MBD2: variants seen among roughly 807,000 people sequenced by gnomAD.
The protein encoded by MBD2 is methyl-CpG binding domain protein 2.
In MBD2, 9 loss-of-function variants were observed where a neutral mutation model predicts 39.3. That is an observed-to-expected ratio of 0.23 (90% CI 0.14 to 0.40). The LOEUF is 0.40. MBD2 is among the 10% of genes least tolerant of loss of function. MBD2 has a pLI of 1.00. For missense variants in MBD2, 458 were observed against 532.6 expected, an observed-to-expected ratio of 0.86 and a Z score of 1.38; for synonymous variants, 233 against 211.1, an observed-to-expected ratio of 1.10 and a Z score of -0.90.
chr18:54,215,536 TG>T (rs1262995176), intron 1 of MBD2, among the ~76,000 whole-genome samples: 4 of 149,576 alleles, frequency 2.7e-5, no homozygotes, highest in Non-Finnish European at 5.9e-5. Context: ...GCTGCCAGGC[TG>T]GAGTGCAGTG....
intron 3 of MBD2, among the ~76,000 whole-genome samples, chr18:54,177,022 G>A (rs759780614): frequency 1.3e-5 from 2 of 152,178 alleles, no homozygotes; most frequent in Non-Finnish European, 2.9e-5. Flanking sequence ...CACACAGTGG[G>A]TATACAATAC....
chr18:54,202,210 G>A (rs1211964989), intron 2 of MBD2, among the ~76,000 whole-genome samples: 1 of 151,968 alleles, frequency 6.6e-6, no homozygotes, highest in African/African-American at 2.4e-5. Context: ...AGGCGTGGTG[G>A]TGGGTGCCTG....
At position 54,153,728 on chromosome 18, in the gene MBD2, A is replaced by AT. The variant is rs923451990; in HGVS notation, c.*1595dup. 1.3e-5 allele frequency: 2 copies of AT among 152,198 alleles called. No homozygotes were observed. The highest frequency in any genetic ancestry group is 1.3e-4 in the Admixed American group (2 of 15,278). The allele number at this position is 152,198 out of a possible 1,614,324, so 9.4% of individuals were successfully genotyped here. ...CCCCCACCCCAGTTGGGACAGTCTG[A>AT]TGGGGCGGGCAGGCACCCTCTACCA... On this transcript the variant is annotated 3_prime_UTR_variant, in exon 7 of 7. Transcript: ENST00000256429.
At chr18:54,166,195 A>T (rs536302619) in intron 3 of MBD2, 29 bp from the exon 4 acceptor site, 18 of 1,399,626 alleles carry the variant, frequency 1.3e-5, no homozygotes, top group Non-Finnish European at 1.6e-5. Flanking sequence ...CTGTTAATAG[A>T]TACATTTTTG....
At chr18:54,183,111 G>A (rs2086261917) in intron 3 of MBD2, among the ~76,000 whole-genome samples, 1 of 152,216 alleles carries the variant, frequency 6.6e-6, no homozygotes, top group South Asian at 2.1e-4. Context: ...AGCTTAGGCA[G>A]CCAAGCGGAC....
At chr18:54,192,457 T>A (rs2144314753) in intron 2 of MBD2, among the ~76,000 whole-genome samples, 1 of 152,260 alleles carries the variant, frequency 6.6e-6, no homozygotes, top group African/African-American at 2.4e-5. Context: ...GGTCTCGATC[T>A]CTTGACCTTG....
chr18:54,180,288 A>G (rs1364906105), intron 3 of MBD2, among the ~76,000 whole-genome samples: 6 of 152,154 alleles, frequency 3.9e-5, no homozygotes, highest in African/African-American at 1.4e-4. Context: ...CATAAAGAAA[A>G]TATTTTTGAT....
chr18:54,209,330 TTATTA>T (rs2086480779), intron 1 of MBD2, among the ~76,000 whole-genome samples: 1 of 151,204 alleles, frequency 6.6e-6, no homozygotes, highest in East Asian at 1.9e-4. Flanking sequence ...AGGAAGGTAT[TTATTA>T]TAAACAAAAA....
chr18:54,221,110 T>C (rs986424701), intron 1 of MBD2, among the ~76,000 whole-genome samples: 1 of 152,218 alleles, frequency 6.6e-6, no homozygotes, highest in African/African-American at 2.4e-5. Context: ...ATTACCACTA[T>C]AGTGGCTTAC....
chr18:54,188,733 C>A (rs998945739), intron 3 of MBD2, 141 bp downstream of exon 3: 20 of 786,694 alleles, frequency 2.5e-5, no homozygotes, highest in Non-Finnish European at 1.5e-5. Flanking sequence ...CATACTTCAG[C>A]ATTCATGTAA....
intron 2 of MBD2, among the ~76,000 whole-genome samples, chr18:54,200,114 C>A (rs2079484731): frequency 1.3e-5 from 2 of 152,134 alleles, no homozygotes; most frequent in Admixed American, 1.3e-4. Context: ...GCAGACTTAA[C>A]ACACAACTGA....
At chr18:54,211,875 A>C (rs2086510794) in intron 1 of MBD2, among the ~76,000 whole-genome samples, 1 of 146,972 alleles carries the variant, frequency 6.8e-6, no homozygotes, top group Non-Finnish European at 1.5e-5. Context: ...TTTTTTTTTG[A>C]GACAGAGTCT....
chr18:54,198,744 A>G (rs897975853), intron 2 of MBD2, among the ~76,000 whole-genome samples: 2 of 152,206 alleles, frequency 1.3e-5, no homozygotes, highest in Non-Finnish European at 2.9e-5. Context: ...ATTGCACACA[A>G]TTCAAAGGTT....
intron 6 of MBD2, among the ~76,000 whole-genome samples, 184 bp from the exon 7 acceptor site, chr18:54,155,495 G>A (rs1313632698): frequency 1.3e-5 from 2 of 152,046 alleles, no homozygotes; most frequent in South Asian, 4.1e-4. Flanking sequence ...TCCCCTCATT[G>A]TTTCGTTTTA....
At chr18:54,201,528 A>G (rs1202677591) in intron 2 of MBD2, among the ~76,000 whole-genome samples, 3 of 152,124 alleles carry the variant, frequency 2.0e-5, no homozygotes, top group Non-Finnish European at 4.4e-5. Flanking sequence ...CTACCCACCC[A>G]TCCTAAAATA....
At chr18:54,213,433 C>A (rs2086527683) in intron 1 of MBD2, among the ~76,000 whole-genome samples, 1 of 152,202 alleles carries the variant, frequency 6.6e-6, no homozygotes, top group Non-Finnish European at 1.5e-5. Context: ...GAAAAACCGT[C>A]TTCCATGAAA....
intron 3 of MBD2, among the ~76,000 whole-genome samples, chr18:54,178,394 T>C (rs1411673702): frequency 2.0e-5 from 3 of 152,124 alleles, no homozygotes; most frequent in African/African-American, 7.2e-5. Context: ...ACAATAAATG[T>C]AAGGGTAATC....
At chr18:54,186,912 A>T (rs1953136425) in intron 3 of MBD2, among the ~76,000 whole-genome samples, 1 of 152,206 alleles carries the variant, frequency 6.6e-6, no homozygotes, top group Non-Finnish European at 1.5e-5. Flanking sequence ...TTGGACACAT[A>T]CCTTTCATTT....
At chr18:54,161,842 T>G (rs1177194678) in intron 5 of MBD2, among the ~76,000 whole-genome samples, 1 of 150,400 alleles carries the variant, frequency 6.6e-6, no homozygotes, top group East Asian at 2.0e-4. Context: ...TATCTCTCCA[T>G]GATTAGGTTA....
Sources: gnomAD v4.1 joint callset for allele counts (sites outside exome capture counted in the v4.1 genomes callset) on GRCh38, gnomAD v4.1.1 for gene constraint, MANE v1.5 for transcripts, NCBI Gene and HGNC (gene_info 2026-07-23, HGNC 2026-07-21) for gene names.